Variants in RBFOX1 observed in about 807,000 individuals in gnomAD.
RBFOX1 encodes the protein RNA binding fox-1 homolog 1.
A neutral mutation model predicts 57.7 loss-of-function variants in RBFOX1; 8 were observed. The observed-to-expected ratio is 0.14, with a 90% CI of 0.08 to 0.25. RBFOX1 has a LOEUF of 0.25. Among genes scored for constraint, RBFOX1 ranks in the 10% least tolerant of loss-of-function variants. The probability of loss-of-function intolerance (pLI) is 1.00; values close to 1 mark genes in which losing one functional copy is unlikely to be tolerated. For synonymous variants in RBFOX1, 326 were observed against 222.4 expected (o/e 1.47, Z -4.15); for missense variants, 611 against 548.5 (o/e 1.11, Z -1.14).
intron 1 of RBFOX1, among the ~76,000 whole-genome samples, chr16:5,277,399 G>A (rs1374388650): frequency 6.6e-6 from 1 of 152,044 alleles, no homozygotes; most frequent in African/African-American, 2.4e-5. Flanking sequence ...CACCACTGAA[G>A]AACTTATCCA....
chr16:6,816,464 G>A lies in RBFOX1; in HGVS notation c.-16+161814G>A, dbSNP rs377732802. 3.3e-5 allele frequency among the ~76,000 whole-genome samples: 5 copies of A among 150,596 alleles called. No individual in the cohort carries two copies. The East Asian group carries it at 5.8e-4, about 18-fold the overall frequency. On this transcript the variant is annotated intron_variant, in intron 3 of 15. Coordinates refer to ENST00000550418, the MANE Select transcript of RBFOX1 (RefSeq NM_018723.4). ...TTAAAGAAACAGGGTCTTGTTGGCC[G>A]GGTGTGGTGGCTTATGCCTGTAATC...
chr16:6,926,820 C>T (rs1450683512), intron 3 of RBFOX1, among the ~76,000 whole-genome samples: 2 of 152,102 alleles, frequency 1.3e-5, no homozygotes, highest in African/African-American at 2.4e-5. Flanking sequence ...ATCTTTCTGT[C>T]CCGTGCAGAT....
intron 1 of RBFOX1, among the ~76,000 whole-genome samples, chr16:5,335,518 G>A (rs918632340): frequency 6.6e-6 from 1 of 152,286 alleles, no homozygotes; most frequent in South Asian, 2.1e-4. Flanking sequence ...TATTAATGTC[G>A]GTTTTTTGTG....
chr16:7,079,564 G>C (rs527576820), intron 4 of RBFOX1, among the ~76,000 whole-genome samples: 3 of 152,196 alleles, frequency 2.0e-5, no homozygotes, highest in African/African-American at 4.8e-5. Flanking sequence ...TGTCACATCT[G>C]TTTCTCTCCC....
intron 3 of RBFOX1, among the ~76,000 whole-genome samples, chr16:6,929,675 T>C (rs533875839): frequency 1.3e-5 from 2 of 152,202 alleles, no homozygotes; most frequent in African/African-American, 4.8e-5. Context: ...CTTGCATAAC[T>C]AGTGTGTTAG....
chr16:5,602,231 A>C (rs936037262), downstream of RBFOX1, among the ~76,000 whole-genome samples: 1 of 152,204 alleles, frequency 6.6e-6, no homozygotes, highest in Non-Finnish European at 1.5e-5. Context: ...TGGATGGCAG[A>C]TTGCCTCACA....
chr16:7,628,681 C>T (rs1056368935), intron 10 of RBFOX1, among the ~76,000 whole-genome samples: 1 of 152,024 alleles, frequency 6.6e-6, no homozygotes, highest in South Asian at 2.1e-4. Flanking sequence ...GGCGTGATCT[C>T]GGCTTACTGC....
rs575152003 is a variant in RBFOX1, at chr16:6,531,764, G to A, written c.-63-122839G>A. Among the ~76,000 whole-genome samples, 29 of 152,252 alleles carry A rather than the reference G, an allele frequency of 1.9e-4. No individual in the cohort carries two copies. In the South Asian group the frequency reaches 5.4e-3, roughly 28 times the overall value. On this transcript the variant is annotated intron_variant, in intron 2 of 15. Transcript: ENST00000550418. The stretch of plus-strand genomic sequence containing the variant: ...TCAAAAGGGATTACATGAGAACAAA[G>A]TAATTATCCTTCGTGTATGAGTATC...
chr16:7,093,640 T>G (rs1334546398), intron 4 of RBFOX1, among the ~76,000 whole-genome samples: 1 of 152,188 alleles, frequency 6.6e-6, no homozygotes, highest in Non-Finnish European at 1.5e-5. Context: ...AGCTCATTTG[T>G]GACTTACATC....
At chr16:5,729,679 C>G (rs2052290553) in intron 3 of RBFOX1, among the ~76,000 whole-genome samples, 1 of 152,124 alleles carries the variant, frequency 6.6e-6, no homozygotes, top group Non-Finnish European at 1.5e-5. Flanking sequence ...AAACTCCACT[C>G]AGGTATTTGG....
At chr16:5,771,005 C>T (rs752467498) in intron 3 of RBFOX1, among the ~76,000 whole-genome samples, 14 of 152,154 alleles carry the variant, frequency 9.2e-5, no homozygotes, top group Non-Finnish European at 1.2e-4. Flanking sequence ...GGTCTGCAAA[C>T]GAGCAGTGTT....
chr16:5,342,145 A>G lies in RBFOX1; in HGVS notation c.219+102040A>G, dbSNP rs9674185. On this transcript the variant is annotated intron_variant, in intron 1 of 2. Transcript: ENST00000585867. ...GGAGAGGCATAATTTTCCACCTTCT[A>G]ATTGCTTTGCATATATGTTCATTTC... Among the ~76,000 whole-genome samples the G allele has an allele frequency of 4.8e-3, 737 of 152,316 alleles. 10 individuals carry two copies. Among genetic ancestry groups the G allele is most frequent in the African/African-American group, 0.017 (703 of 41,558 alleles).
At chr16:6,457,787 A>T (rs2094813793) in intron 2 of RBFOX1, among the ~76,000 whole-genome samples, 2 of 152,184 alleles carry the variant, frequency 1.3e-5, no homozygotes, top group South Asian at 4.1e-4. Flanking sequence ...GAGAGTAATT[A>T]GTCCGTTGTT....
intron 2 of RBFOX1, among the ~76,000 whole-genome samples, chr16:6,537,611 C>T (rs2096753215): frequency 6.6e-6 from 1 of 152,162 alleles, no homozygotes; most frequent in Non-Finnish European, 1.5e-5. Flanking sequence ...TGCTCATGGA[C>T]TGTTGCCCTG....
chr16:7,071,519 A>G (rs2057329512), intron 4 of RBFOX1, among the ~76,000 whole-genome samples: 1 of 151,884 alleles, frequency 6.6e-6, no homozygotes, highest in Non-Finnish European at 1.5e-5. Flanking sequence ...TAGATTTGAA[A>G]GCAACTACAA....
At chr16:6,797,255 C>G (rs897514046) in intron 3 of RBFOX1, among the ~76,000 whole-genome samples, 18 of 152,210 alleles carry the variant, frequency 1.2e-4, no homozygotes, top group African/African-American at 3.9e-4. Context: ...TGTTATTCCC[C>G]CATAACGCTG....
chr16:6,752,964 A>G (rs753339292), intron 3 of RBFOX1, among the ~76,000 whole-genome samples: 4 of 152,254 alleles, frequency 2.6e-5, no homozygotes, highest in East Asian at 1.9e-4. Flanking sequence ...CTTGGTTGCT[A>G]TGGAGAAGGG....
intron 3 of RBFOX1, among the ~76,000 whole-genome samples, chr16:5,662,841 T>C (rs1264019258): frequency 6.6e-6 from 1 of 152,214 alleles, no homozygotes; most frequent in African/African-American, 2.4e-5. Context: ...AGTTTCCTTA[T>C]CTGCATAATG....
intron 4 of RBFOX1, among the ~76,000 whole-genome samples, chr16:7,100,591 A>G (rs978950546): frequency 7.6e-6 from 1 of 131,912 alleles, no homozygotes; most frequent in Non-Finnish European, 1.6e-5. Flanking sequence ...TTTTTAGCAT[A>G]TGGCTATACT....
Sources: gnomAD v4.1 joint callset for allele counts (sites outside exome capture counted in the v4.1 genomes callset) on GRCh38, gnomAD v4.1.1 for gene constraint, MANE v1.5 for transcripts, NCBI Gene and HGNC (gene_info 2026-07-23, HGNC 2026-07-21) for gene names.